MCMDC2: variants seen among roughly 807,000 people sequenced by gnomAD.
MCMDC2 encodes minichromosome maintenance domain containing 2.
A neutral mutation model predicts 75.8 loss-of-function variants in MCMDC2; 54 were observed. The ratio of observed to expected loss-of-function variants is 0.71; its 90% CI spans 0.57 to 0.89. The LOEUF is 0.89. Among genes scored for constraint, MCMDC2 ranks in the 40% least tolerant of loss-of-function variants. MCMDC2 has a pLI of 0.00. For missense variants in MCMDC2, 656 were observed against 780.4 expected (o/e 0.84, Z 1.90); for synonymous variants, 249 against 274.6 (o/e 0.91, Z 0.92).
rs1436913082 is a variant in MCMDC2, at chr8:66,921,114, T to A, written c.*1945T>A. On this transcript the variant is annotated 3_prime_UTR_variant, in exon 15 of 15. Transcript: ENST00000422365. ...ACCCAACCTCAGTCTCAAAGATGGT[T>A]ACTTCACCACAAAAAAATTAAAATG... The A allele has an allele frequency of 6.6e-6, 1 of 152,202 alleles. No individual in the cohort carries two copies. The highest frequency in any genetic ancestry group is 1.5e-5 in the Non-Finnish European group (1 of 68,038). The allele number at this position is 152,202 out of a possible 1,614,324, so 9.4% of individuals were successfully genotyped here.
chr8:66,920,183 A>G lies in MCMDC2; in HGVS notation c.*1014A>G, dbSNP rs145667950. 1 of 152,352 alleles carries G rather than the reference A, an allele frequency of 6.6e-6. No individual in the cohort carries two copies. The highest frequency in any genetic ancestry group is 2.4e-5 in the African/African-American group (1 of 41,572). 9.4% of individuals were successfully genotyped at this position (152,352 alleles called of 1,614,324 possible). On this transcript the variant is annotated 3_prime_UTR_variant, in exon 15 of 15. Coordinates refer to ENST00000422365, the MANE Select transcript of MCMDC2 (RefSeq NM_173518.5). ...GGAGGAAGTTGTTCACTATTACTGA[A>G]TACCTACTAGTAGCAGGGAGTAAAC...
intron 14 of MCMDC2, among the ~76,000 whole-genome samples, chr8:66,905,941 G>A (rs1812889738): frequency 6.6e-6 from 1 of 151,238 alleles, no homozygotes; most frequent in Non-Finnish European, 1.5e-5. Context: ...GGAGGTGGAG[G>A]TTGCAGTGAG....
chr8:66,879,327 T>C (rs1219616587), intron 7 of MCMDC2, among the ~76,000 whole-genome samples: 1 of 152,028 alleles, frequency 6.6e-6, no homozygotes, highest in East Asian at 1.9e-4. Context: ...GCGCGGTGGC[T>C]CACACCTGTA....
intron 14 of MCMDC2, among the ~76,000 whole-genome samples, chr8:66,918,732 T>C (rs1813411594): frequency 6.6e-6 from 1 of 152,140 alleles, no homozygotes; most frequent in African/African-American, 2.4e-5. Context: ...TCAACATACT[T>C]CTTCCATTGG....
intron 10 of MCMDC2, among the ~76,000 whole-genome samples, chr8:66,891,651 C>T (rs1051376679): frequency 2.6e-5 from 4 of 152,192 alleles, no homozygotes; most frequent in Non-Finnish European, 4.4e-5. Context: ...GCTTGAGTTT[C>T]ACTCCTGCCT....
intron 9 of MCMDC2, among the ~76,000 whole-genome samples, chr8:66,886,723 C>T (rs1419088613): frequency 1.0e-4 from 15 of 150,734 alleles, no homozygotes; most frequent in African/African-American, 2.9e-4. Context: ...TGCAGTGAGT[C>T]GAGATAGTGC....
At chr8:66,872,612 T>G (rs1811075181) in intron 1 of MCMDC2, among the ~76,000 whole-genome samples, 1 of 152,126 alleles carries the variant, frequency 6.6e-6, no homozygotes, top group African/African-American at 2.4e-5. Flanking sequence ...CTTAGTATCC[T>G]TAAGTGCCTA....
At chr8:66,915,404 A>G (rs1469657535) in intron 14 of MCMDC2, among the ~76,000 whole-genome samples, 1 of 151,228 alleles carries the variant, frequency 6.6e-6, no homozygotes, top group African/African-American at 2.4e-5. Context: ...GTGAGCCAAG[A>G]TCATGCCACT....
intron 14 of MCMDC2, among the ~76,000 whole-genome samples, chr8:66,910,724 G>A (rs561234803): frequency 5.3e-5 from 8 of 151,910 alleles, no homozygotes; most frequent in South Asian, 4.2e-4. Flanking sequence ...CTGGAGAATC[G>A]CTTGAACCCG....
At chr8:66,878,775 A>G (rs765923990) in intron 6 of MCMDC2, 40 bp from the exon 7 acceptor site, 80 of 1,444,374 alleles carry the variant, frequency 5.5e-5, no homozygotes, top group Middle Eastern at 2.3e-4. Flanking sequence ...AATTGAATAT[A>G]TATTCTAATA....
intron 8 of MCMDC2, among the ~76,000 whole-genome samples, chr8:66,882,865 G>A (rs113641587): frequency 6.6e-6 from 1 of 152,340 alleles, no homozygotes; most frequent in Non-Finnish European, 1.5e-5. Context: ...TTTCTGCTAA[G>A]TGTTTAAAAA....
chr8:66,905,171 T>G, intron 13 of MCMDC2, 55 bp from the exon 14 acceptor site: 1 of 1,274,606 alleles, frequency 7.8e-7, no homozygotes, highest in South Asian at 2.2e-5. Flanking sequence ...TGCCAAAATA[T>G]ATATTATTTT....
intron 12 of MCMDC2, among the ~76,000 whole-genome samples, chr8:66,898,151 G>A (rs1812447991): frequency 6.6e-6 from 1 of 152,022 alleles, no homozygotes. Flanking sequence ...ACTAAATATG[G>A]ACAGGCTAAT....
intron 8 of MCMDC2, among the ~76,000 whole-genome samples, chr8:66,882,014 A>T (rs1259515504): frequency 1.3e-5 from 2 of 152,252 alleles, no homozygotes; most frequent in Non-Finnish European, 2.9e-5. Context: ...AAGGAGGCAG[A>T]CAAGTCCAGT....
chr8:66,877,600 C>A (rs781603148), intron 5 of MCMDC2, 56 bp downstream of exon 5: 5 of 1,329,116 alleles, frequency 3.8e-6, no homozygotes, highest in Non-Finnish European at 5.1e-6. Flanking sequence ...CATGGTGGCT[C>A]ACACCTGTAA....
At chr8:66,899,402 A>G (rs1427658024) in intron 12 of MCMDC2, among the ~76,000 whole-genome samples, 2 of 152,218 alleles carry the variant, frequency 1.3e-5, no homozygotes, top group Admixed American at 6.5e-5. Flanking sequence ...TAGTATATCC[A>G]GTTCTGAAAG....
chr8:66,915,504 T>TTTTATATA (rs904333670), intron 14 of MCMDC2, among the ~76,000 whole-genome samples: 1 of 147,408 alleles, frequency 6.8e-6, no homozygotes, highest in African/African-American at 2.5e-5. Context: ...TTTATATATG[T>TTTTATATA]TTTATATATT....
chr8:66,914,294 A>G (rs962361463), intron 14 of MCMDC2, among the ~76,000 whole-genome samples: 1 of 151,672 alleles, frequency 6.6e-6, no homozygotes, highest in Non-Finnish European at 1.5e-5. Context: ...AAAAAAAAAA[A>G]AAAAAAAAAA....
chr8:66,899,670 G>A (rs1239615338), intron 12 of MCMDC2, among the ~76,000 whole-genome samples: 1 of 151,546 alleles, frequency 6.6e-6, no homozygotes, highest in East Asian at 2.0e-4. Context: ...TAATTTTTTT[G>A]TATTTTTAGT....
Sources: allele counts gnomAD v4.1 joint callset (sites outside exome capture counted in the v4.1 genomes callset), GRCh38; gene constraint gnomAD v4.1.1; transcripts MANE v1.5; gene names NCBI Gene and HGNC (gene_info 2026-07-23, HGNC 2026-07-21).